NUBPL: variants seen among roughly 807,000 people sequenced by gnomAD.
The protein encoded by NUBPL is NUBP iron-sulfur cluster assembly factor, mitochondrial.
A neutral mutation model predicts 45.7 loss-of-function variants in NUBPL; 31 were observed. The observed-to-expected ratio is 0.68, with a 90% confidence interval of 0.51 to 0.92. The LOEUF is 0.92. Among genes scored for constraint, NUBPL ranks in the 40% least tolerant of loss-of-function variants. NUBPL has a pLI of 0.00. For synonymous variants in NUBPL, 144 were observed against 140.9 expected (o/e 1.02, Z -0.15); for missense variants, 401 against 398.7 (o/e 1.01, Z -0.05).
intron 4 of NUBPL, among the ~76,000 whole-genome samples, chr14:31,640,178 G>T (rs879305239): frequency 6.6e-6 from 1 of 152,176 alleles, no homozygotes; most frequent in South Asian, 2.1e-4. Flanking sequence ...CTTCTGCATC[G>T]CTCATGCTGG....
At chr14:31,709,210 C>T (rs2037517327) in intron 6 of NUBPL, among the ~76,000 whole-genome samples, 1 of 152,180 alleles carries the variant, frequency 6.6e-6, no homozygotes, top group Non-Finnish European at 1.5e-5. Context: ...CTTTTAGAAT[C>T]AATTGACCCT....
chr14:31,723,610 C>A (rs757889516), intron 6 of NUBPL, among the ~76,000 whole-genome samples: 10 of 152,156 alleles, frequency 6.6e-5, no homozygotes, highest in Non-Finnish European at 4.4e-5. Context: ...TTTGTGTCAT[C>A]TCTGATTTCT....
intron 6 of NUBPL, among the ~76,000 whole-genome samples, chr14:31,719,044 C>T (rs1267469876): frequency 1.3e-5 from 2 of 152,138 alleles, no homozygotes; most frequent in African/African-American, 4.8e-5. Context: ...ACAGCTTAGC[C>T]TGGCCCACAT....
intron 4 of NUBPL, among the ~76,000 whole-genome samples, chr14:31,637,005 T>C (rs554461494): frequency 6.6e-5 from 10 of 152,296 alleles, no homozygotes; most frequent in Admixed American, 3.3e-4. Flanking sequence ...GTCTTGCTGG[T>C]GGTCTATCAA....
chr14:31,567,683 C>T (rs768373706), intron 3 of NUBPL, among the ~76,000 whole-genome samples: 1 of 152,080 alleles, frequency 6.6e-6, no homozygotes, highest in Non-Finnish European at 1.5e-5. Flanking sequence ...TGAATCTCTC[C>T]GAGGATGCTA....
intron 3 of NUBPL, among the ~76,000 whole-genome samples, chr14:31,590,253 C>CT: frequency 6.6e-6 from 1 of 152,146 alleles, no homozygotes; most frequent in African/African-American, 2.4e-5. Context: ...CAGAACAATC[C>CT]TTTTTTTAAA....
chr14:31,853,033 G>C (rs7153738), intron 10 of NUBPL, among the ~76,000 whole-genome samples: 39,865 of 152,090 alleles, frequency 0.26, 7,917 homozygotes, highest in African/African-American at 0.56. Context: ...AACCTATAAT[G>C]TTATTTGTTA....
At chr14:31,759,984 A>G (rs2038763407) in intron 6 of NUBPL, among the ~76,000 whole-genome samples, 1 of 151,494 alleles carries the variant, frequency 6.6e-6, no homozygotes, top group African/African-American at 2.4e-5. Context: ...TCAACTTAGT[A>G]TGGGTTTTTT....
At chr14:31,582,792 G>A (rs527470970) in intron 3 of NUBPL, among the ~76,000 whole-genome samples, 139 of 152,134 alleles carry the variant, frequency 9.1e-4, no homozygotes, top group African/African-American at 3.2e-3. Flanking sequence ...CCTGATAGTA[G>A]AAATTGTTTT....
intron 4 of NUBPL, among the ~76,000 whole-genome samples, chr14:31,664,667 G>A (rs1325837104): frequency 6.6e-6 from 1 of 152,216 alleles, no homozygotes; most frequent in Non-Finnish European, 1.5e-5. Flanking sequence ...TCACATCGAT[G>A]TTCATCAGGG....
chr14:31,711,573 C>T (rs967480664), intron 6 of NUBPL, among the ~76,000 whole-genome samples: 3 of 152,036 alleles, frequency 2.0e-5, no homozygotes, highest in Non-Finnish European at 4.4e-5. Flanking sequence ...TTCTTGGTCT[C>T]GCAGACTTCA....
At chr14:31,647,532 G>T (rs1310709781) in intron 4 of NUBPL, among the ~76,000 whole-genome samples, 1 of 152,192 alleles carries the variant, frequency 6.6e-6, no homozygotes, top group East Asian at 1.9e-4. Flanking sequence ...ATGTTGGAAG[G>T]CTGGCTAGGG....
chr14:31,727,723 A>G (rs939384383), intron 6 of NUBPL, among the ~76,000 whole-genome samples: 19 of 152,252 alleles, frequency 1.2e-4, no homozygotes, highest in African/African-American at 4.6e-4. Flanking sequence ...ATTTACATTG[A>G]TATTTCCTTT....
At chr14:31,610,805 A>G (rs2034736852) in intron 4 of NUBPL, among the ~76,000 whole-genome samples, 1 of 152,150 alleles carries the variant, frequency 6.6e-6, no homozygotes, top group Non-Finnish European at 1.5e-5. Flanking sequence ...GATGCAGTGT[A>G]TCAACAGAAT....
In NUBPL at chr14:31,688,263, A is replaced by C. The variant is rs568659213; in HGVS notation, c.513+14689A>C. On this transcript the variant is annotated intron_variant, in intron 6 of 10. Transcript: ENST00000281081. Reference sequence around the variant, plus strand: ...GTTTCTGCCAGCCAAGAGGCAGCAGATGAGTTCGTGGACATCATTAAGTAA... The same window carrying C: ...GTTTCTGCCAGCCAAGAGGCAGCAGCTGAGTTCGTGGACATCATTAAGTAA... 2.0e-3 allele frequency among the ~76,000 whole-genome samples: 303 copies of C among 152,274 alleles called. 1 individual carries two copies. The highest frequency in any genetic ancestry group is 7.2e-3 in the African/African-American group (298 of 41,562).
At chr14:31,650,482 G>A (rs954654202) in intron 4 of NUBPL, among the ~76,000 whole-genome samples, 1 of 151,958 alleles carries the variant, frequency 6.6e-6, no homozygotes, top group Non-Finnish European at 1.5e-5. Flanking sequence ...GTAGAGACAG[G>A]GTTTCACAGT....
intron 8 of NUBPL, among the ~76,000 whole-genome samples, chr14:31,831,060 T>TTTATTTATTTA (rs60308003): frequency 4.6e-5 from 7 of 150,924 alleles, no homozygotes; most frequent in South Asian, 2.1e-4. Context: ...TTATTTATTT[T>TTTATTTATTTA]TTTGAGACAG....
intron 3 of NUBPL, among the ~76,000 whole-genome samples, chr14:31,589,506 T>C (rs1014830740): frequency 1.3e-5 from 2 of 152,196 alleles, no homozygotes; most frequent in African/African-American, 4.8e-5. Context: ...AATAATTCAG[T>C]GTACAGAATA....
At chr14:31,791,011 G>A (rs2039372093) in intron 7 of NUBPL, among the ~76,000 whole-genome samples, 1 of 152,156 alleles carries the variant, frequency 6.6e-6, no homozygotes. Context: ...GCTCATGCCT[G>A]TAATCCCAGC....
Sources: allele counts gnomAD v4.1 joint callset (sites outside exome capture counted in the v4.1 genomes callset), GRCh38; gene constraint gnomAD v4.1.1; transcripts MANE v1.5; gene names NCBI Gene and HGNC (gene_info 2026-07-23, HGNC 2026-07-21).